The following PCDHGA8 variants were observed in gnomAD, a reference collection of about 807,000 sequenced individuals.
PCDHGA8 encodes the protein protocadherin gamma-A8.
Under a neutral mutation model 59.2 loss-of-function variants are expected in PCDHGA8, and 45 were observed. That is an observed-to-expected ratio of 0.76 (90% CI 0.60 to 0.98). PCDHGA8 has a LOEUF of 0.98. PCDHGA8 is among the 50% of genes least tolerant of loss of function. PCDHGA8 has a pLI of 0.00. For missense variants in PCDHGA8, 1,257 were observed against 1,196.2 expected (o/e 1.05, Z -0.75); for synonymous variants, 531 against 519.0 (o/e 1.02, Z -0.32).
chr5:141,469,372 C>T (rs780872014), intron 1 of PCDHGA8, among the ~76,000 whole-genome samples: 2 of 151,990 alleles, frequency 1.3e-5, no homozygotes, highest in African/African-American at 2.4e-5. Context: ...GTAAAGAGAT[C>T]GAGACCATCC....
In PCDHGA8 at chr5:141,489,068, G is replaced by GGC; in HGVS notation, c.2425-5739_2425-5738insGC. 1 of 291,558 alleles carries GGC rather than the reference G, an allele frequency of 3.4e-6. No individual in the cohort carries two copies. The allele number at this position is 291,558 out of a possible 1,614,324, so 18.1% of individuals were successfully genotyped here. ...CTCAAATTCAGCTCCCCTCCCCCCT[G>GGC]CCCACCCCCGCCACTCGGTGACTAA... On this transcript the variant is annotated intron_variant, in intron 1 of 3. Transcript: ENST00000398604. The surrounding 1 kb of genome is among the most constrained non-coding windows in gnomAD (Gnocchi z 4.5).
intron 1 of PCDHGA8, among the ~76,000 whole-genome samples, chr5:141,466,909 ACTC>A (rs1249720055): frequency 6.6e-6 from 1 of 151,110 alleles, no homozygotes; most frequent in Non-Finnish European, 1.5e-5. Flanking sequence ...GTTTTTGAAA[ACTC>A]CTTGTATTAG....
At chr5:141,429,796 A>C (rs2097245618) in intron 1 of PCDHGA8, among the ~76,000 whole-genome samples, 1 of 152,216 alleles carries the variant, frequency 6.6e-6, no homozygotes, top group Non-Finnish European at 1.5e-5. Flanking sequence ...ATTACCAGTA[A>C]TTCTCAGTAA....
At position 141,486,804 on chromosome 5, in the gene PCDHGA8, C is replaced by G. The variant is rs755001457; in HGVS notation, c.2425-8003C>G. On this transcript the variant is annotated intron_variant, in intron 1 of 3. Transcript: ENST00000398604. This position sits in a 1 kb window ranked among gnomAD's most constrained non-coding sequence, Gnocchi z 5.0. ...CAGGCCCGGGATCGGGGCAACCCAC[C>G]CCTTAGCAGCACTGTAACAGTTCGT... 2 of 1,614,232 alleles carry G rather than the reference C, an allele frequency of 1.2e-6. No homozygotes were observed. The highest frequency in any genetic ancestry group is 3.3e-5 in the Admixed American group (2 of 60,032).
At chr5:141,400,143 T>C (rs2093969868) in intron 1 of PCDHGA8, 2 of 1,613,986 alleles carry the variant, frequency 1.2e-6, no homozygotes, top group Admixed American at 3.3e-5. Flanking sequence ...CGGATATCAC[T>C]GACCGCCCTG....
At chr5:141,500,411 G>A (rs376320602) in intron 2 of PCDHGA8, among the ~76,000 whole-genome samples, 4 of 151,592 alleles carry the variant, frequency 2.6e-5, no homozygotes, top group East Asian at 2.0e-4. Context: ...GGGTTTCACC[G>A]TGTTAGCCAG....
intron 3 of PCDHGA8, among the ~76,000 whole-genome samples, chr5:141,510,424 C>T (rs2154594619): frequency 6.6e-6 from 1 of 152,236 alleles, no homozygotes; most frequent in South Asian, 2.1e-4. Flanking sequence ...GCCATGGTTT[C>T]ATGGCTGCTG....
At chr5:141,449,588 CA>C (rs768743917) in intron 1 of PCDHGA8, among the ~76,000 whole-genome samples, 1,277 of 57,494 alleles carry the variant, frequency 0.022, 7 homozygotes, top group Middle Eastern at 0.041. Flanking sequence ...GACTCTGTCT[CA>C]AAAAAAAAAA....
At chr5:141,418,481 C>G (rs1438009750) in intron 1 of PCDHGA8, 1 of 1,614,006 alleles carries the variant, frequency 6.2e-7, no homozygotes, top group Admixed American at 1.7e-5. Context: ...GCAGAGCGCT[C>G]ACCACTTGGT....
At chr5:141,396,954 C>G (rs2093459266) in intron 1 of PCDHGA8, among the ~76,000 whole-genome samples, 1 of 152,172 alleles carries the variant, frequency 6.6e-6, no homozygotes. Flanking sequence ...GAAAGAAAAT[C>G]CTTACTCTCC....
intron 1 of PCDHGA8, among the ~76,000 whole-genome samples, chr5:141,463,438 C>CTTTTTTTTTTTTT (rs71576115): frequency 9.7e-6 from 1 of 103,256 alleles, no homozygotes; most frequent in Non-Finnish European, 1.9e-5. Context: ...TTTCCTTCTC[C>CTTTTTTTTTTTTT]TTTTTTTTTT....
At chr5:141,418,891 C>T in intron 1 of PCDHGA8, 2 of 1,613,842 alleles carry the variant, frequency 1.2e-6, no homozygotes, top group South Asian at 2.2e-5. Flanking sequence ...ACGACAACAG[C>T]CCAGAAATAA....
rs1561643318 is a variant in PCDHGA8, at chr5:141,393,555, C to T, written c.742C>T (p.Arg248Ter). ...NAPVFPHPIY[R>*]VKVLENMPPG... The stretch of plus-strand genomic sequence containing the variant: ...CCCGGTTTTTCCTCACCCGATTTAC[C>T]GAGTGAAAGTCCTTGAGAACATGCC... Residue 248 changes from arginine to a stop codon, truncating the protein, a stop_gained, in exon 1 of 4, where the codon CGA (arginine) becomes TGA (stop). Transcript: ENST00000398604. LOFTEE classifies it high-confidence loss of function. 2 of 1,613,808 alleles carry T rather than the reference C, an allele frequency of 1.2e-6. No homozygotes were observed. Among genetic ancestry groups the T allele is most frequent in the Admixed American group, 3.3e-5 (2 of 60,000 alleles).
chr5:141,401,215 G>A (rs371927686), intron 1 of PCDHGA8, among the ~76,000 whole-genome samples: 9 of 152,158 alleles, frequency 5.9e-5, no homozygotes, highest in African/African-American at 9.6e-5. Context: ...GGTGGCGGGC[G>A]CCTGTAATCC....
At chr5:141,422,198 A>G (rs2096632774) in intron 1 of PCDHGA8, 1 of 1,562,340 alleles carries the variant, frequency 6.4e-7, no homozygotes, top group Non-Finnish European at 8.6e-7. Flanking sequence ...CAAGGCCAAG[A>G]TGGTGGAGGT....
Position 141,490,225 on chromosome 5 carries a change from G to A in PCDHGA8, c.2425-4582G>A, listed in dbSNP as rs2099697468. On this transcript the variant is annotated intron_variant, in intron 1 of 3. Coordinates refer to ENST00000398604, the MANE Select transcript of PCDHGA8 (RefSeq NM_032088.2). This position sits in a 1 kb window ranked among gnomAD's most constrained non-coding sequence, Gnocchi z 5.4. The stretch of plus-strand genomic sequence containing the variant: ...AAGAGCCCGTGACCAGGGACAGCCT[G>A]CCATGGAGGGCCACTGTGTGATTCA... The A allele has an allele frequency of 6.2e-7, 1 of 1,614,112 alleles. No homozygotes were observed. The highest frequency in any genetic ancestry group is 1.1e-5 in the South Asian group (1 of 91,090).
intron 1 of PCDHGA8, chr5:141,400,717 G>A: frequency 1.5e-6 from 1 of 672,320 alleles, no homozygotes; most frequent in Non-Finnish European, 2.5e-6. Context: ...TAGCCTTATA[G>A]ATTTACAAAG....
At position 141,485,291 on chromosome 5, in the gene PCDHGA8, C is replaced by A. The variant is rs114678203; in HGVS notation, c.2425-9516C>A. 436 of 1,614,150 alleles carry A rather than the reference C, an allele frequency of 2.7e-4. No homozygotes were observed. Among genetic ancestry groups the A allele is most frequent in the Middle Eastern group, 8.2e-4 (5 of 6,062 alleles). Reference sequence around the variant, plus strand: ...CCGCTACCCGGTCCCAGAGGAGTCACAGGAAGGGACTTTTGTAGGGAATGT... The same window carrying A: ...CCGCTACCCGGTCCCAGAGGAGTCAAAGGAAGGGACTTTTGTAGGGAATGT... On this transcript the variant is annotated intron_variant, in intron 1 of 3. Coordinates refer to ENST00000398604, the MANE Select transcript of PCDHGA8 (RefSeq NM_032088.2). The surrounding 1 kb of genome is among the most constrained non-coding windows in gnomAD (Gnocchi z 5.7).
chr5:141,406,553 C>T (rs990498102), intron 1 of PCDHGA8, among the ~76,000 whole-genome samples: 1 of 152,150 alleles, frequency 6.6e-6, no homozygotes, highest in African/African-American at 2.4e-5. Flanking sequence ...CTTCAGTTAT[C>T]CACTTCCAAA....
Sources: allele counts gnomAD v4.1 joint callset (sites outside exome capture counted in the v4.1 genomes callset), GRCh38; gene constraint gnomAD v4.1.1; non-coding constraint Gnocchi (gnomAD v3.1); transcripts MANE v1.5; gene names NCBI Gene and HGNC (gene_info 2026-07-23, HGNC 2026-07-21).